Variants in INSL6 observed in about 807,000 individuals in gnomAD.
INSL6 encodes insulin like 6.
Under a neutral mutation model 9.4 loss-of-function variants are expected in INSL6, and 16 were observed. The ratio of observed to expected loss-of-function variants is 1.70; its 90% confidence interval spans 1.15 to 2.59. The LOEUF (loss-of-function observed/expected upper bound fraction) is 2.59, where lower values mean the gene tolerates loss of function less well. Among genes scored for constraint, INSL6 ranks in the 30% most tolerant of loss-of-function variants. The probability of loss-of-function intolerance (pLI) is 0.00; values close to 1 mark genes in which losing one functional copy is unlikely to be tolerated. For synonymous variants in INSL6, 154 were observed against 96.9 expected (o/e 1.59, Z -3.46); for missense variants, 391 against 257.3 (o/e 1.52, Z -3.56).
At chr9:5,106,968 C>T in the INSL6 span, among the ~76,000 whole-genome samples, 1 of 152,124 alleles carries the variant, frequency 6.6e-6, no homozygotes, top group Non-Finnish European at 1.5e-5. Flanking sequence ...CAACATGGCA[C>T]ATGTATATCT....
chr9:5,009,392 A>G, the INSL6 span, among the ~76,000 whole-genome samples: 1 of 152,212 alleles, frequency 6.6e-6, no homozygotes, highest in East Asian at 1.9e-4. Flanking sequence ...AGAGCAGCAC[A>G]GGAACACTAT....
At chr9:5,163,820 C>A (rs1236646816), downstream of INSL6, 2 of 801,204 alleles carry the variant, frequency 2.5e-6, no homozygotes, top group East Asian at 2.7e-5. Context: ...AGACATTTTT[C>A]ACATCATATC....
chr9:5,092,192 G>A, the INSL6 span, among the ~76,000 whole-genome samples: 3 of 152,174 alleles, frequency 2.0e-5, no homozygotes, highest in South Asian at 2.1e-4. Flanking sequence ...AAAATCTCAC[G>A]ACAACCTTTA....
At chr9:5,115,024 C>T in the INSL6 span, among the ~76,000 whole-genome samples, 1 of 152,134 alleles carries the variant, frequency 6.6e-6, no homozygotes, top group African/African-American at 2.4e-5. Flanking sequence ...GACTTCATGA[C>T]TAAAACACCA....
At chr9:5,152,977 G>T (rs1446429908) in intron 2 of INSL6, among the ~76,000 whole-genome samples, 5 of 152,120 alleles carry the variant, frequency 3.3e-5, no homozygotes, top group African/African-American at 1.2e-4. Flanking sequence ...GTCAAGCGAA[G>T]CCATTAGGGA....
the INSL6 span, among the ~76,000 whole-genome samples, chr9:5,057,717 G>T: frequency 6.6e-6 from 1 of 151,674 alleles, no homozygotes; most frequent in Non-Finnish European, 1.5e-5. Flanking sequence ...CGATAGCTGG[G>T]ATTACAGGTG....
chr9:5,179,442 T>C (rs889910827), intron 1 of INSL6, among the ~76,000 whole-genome samples: 1 of 152,176 alleles, frequency 6.6e-6, no homozygotes, highest in Admixed American at 6.5e-5. Flanking sequence ...TGTGGTGATT[T>C]CTCAAAGACC....
At chr9:5,051,336 C>G in the INSL6 span, among the ~76,000 whole-genome samples, 2 of 152,102 alleles carry the variant, frequency 1.3e-5, no homozygotes, top group South Asian at 2.1e-4. Flanking sequence ...TGGAGGCATA[C>G]TTTTTGATAG....
chr9:5,094,757 G>A, the INSL6 span: 1 of 152,052 alleles, frequency 6.6e-6, no homozygotes, highest in African/African-American at 2.4e-5. Flanking sequence ...CAGAATATAT[G>A]AATATTATTG....
At chr9:5,043,629 CA>C in the INSL6 span, among the ~76,000 whole-genome samples, 3 of 152,174 alleles carry the variant, frequency 2.0e-5, no homozygotes, top group South Asian at 6.2e-4. Context: ...AACATATCCA[CA>C]AAAACTTGTA....
the INSL6 span, among the ~76,000 whole-genome samples, chr9:5,003,318 G>T: frequency 7.9e-5 from 12 of 152,044 alleles, no homozygotes; most frequent in African/African-American, 2.9e-4. Flanking sequence ...ACCGACATCT[G>T]AACCATACTG....
chr9:5,004,621 A>G, the INSL6 span, among the ~76,000 whole-genome samples: 3 of 151,970 alleles, frequency 2.0e-5, no homozygotes, highest in Non-Finnish European at 4.4e-5. Context: ...TTGCTTTGAC[A>G]TATTATTTTT....
intron 2 of INSL6, among the ~76,000 whole-genome samples, chr9:5,150,846 G>C (rs112375920): frequency 2.2e-3 from 322 of 146,392 alleles, no homozygotes; most frequent in African/African-American, 7.7e-3. Flanking sequence ...GGATAAAGGA[G>C]ACACACACAC....
At chr9:5,146,303 G>A (rs1235590399) in intron 2 of INSL6, among the ~76,000 whole-genome samples, 1 of 152,164 alleles carries the variant, frequency 6.6e-6, no homozygotes, top group Non-Finnish European at 1.5e-5. Flanking sequence ...CTCAATGTTT[G>A]GAGTCTACTG....
At chr9:5,019,970 C>T in the INSL6 span, among the ~76,000 whole-genome samples, 1 of 152,118 alleles carries the variant, frequency 6.6e-6, no homozygotes, top group East Asian at 1.9e-4. Context: ...GGGTGGCTTA[C>T]ATTAGTAATG....
chr9:5,131,052 T>C (rs550542224), intron 3 of INSL6, among the ~76,000 whole-genome samples: 4 of 152,118 alleles, frequency 2.6e-5, no homozygotes, highest in Non-Finnish European at 5.9e-5. Flanking sequence ...TCTAAGAGCA[T>C]GTAGTATAAG....
the INSL6 span, among the ~76,000 whole-genome samples, chr9:5,106,653 A>G: frequency 2.0e-5 from 3 of 152,238 alleles, no homozygotes; most frequent in African/African-American, 7.2e-5. Flanking sequence ...ACCAACCCAA[A>G]TGCCCATCAA....
the INSL6 span, among the ~76,000 whole-genome samples, chr9:5,002,658 T>C: frequency 6.6e-6 from 1 of 151,976 alleles, no homozygotes; most frequent in Admixed American, 6.5e-5. Flanking sequence ...GGTTGATGTT[T>C]AGGTCTTCAT....
chr9:5,030,039 T>C, the INSL6 span: 1 of 681,820 alleles, frequency 1.5e-6, no homozygotes, highest in Non-Finnish European at 2.4e-6. Context: ...TAAGATTTCA[T>C]TTAAGATTCT....
Sources: gnomAD v4.1 joint callset for allele counts (sites outside exome capture counted in the v4.1 genomes callset) on GRCh38, gnomAD v4.1.1 for gene constraint, MANE v1.5 for transcripts, NCBI Gene and HGNC (gene_info 2026-07-23, HGNC 2026-07-21) for gene names.